Variants in KIAA1328 observed in about 807,000 individuals in gnomAD.
The protein encoded by KIAA1328 is protein hinderin.
A neutral mutation model predicts 68.1 loss-of-function variants in KIAA1328; 52 were observed. The ratio of observed to expected loss-of-function variants is 0.76; its 90% confidence interval spans 0.61 to 0.96. The LOEUF (loss-of-function observed/expected upper bound fraction) is 0.96, where lower values mean the gene tolerates loss of function less well. KIAA1328 is among the 40% of genes least tolerant of loss of function. The pLI is 0.00. For synonymous variants in KIAA1328, 232 were observed against 239.4 expected (o/e 0.97, Z 0.28); for missense variants, 641 against 677.6 (o/e 0.95, Z 0.60).
chr18:37,060,746 T>A lies in KIAA1328; in HGVS notation c.577-6144T>A, dbSNP rs77721045. 3.5e-3 allele frequency among the ~76,000 whole-genome samples: 533 copies of A among 152,314 alleles called. 2 individuals are homozygous for A. The highest frequency in any genetic ancestry group is 5.8e-3 in the Non-Finnish European group (396 of 68,026). ...AGACTATTCATACATGCTTTATTCA[T>A]AATAACCCCTAACTAGATACAATTT... On this transcript the variant is annotated intron_variant, in intron 6 of 9. Transcript: ENST00000280020.
chr18:37,099,170 A>T (rs868346066), intron 7 of KIAA1328, among the ~76,000 whole-genome samples: 3 of 151,920 alleles, frequency 2.0e-5, no homozygotes, highest in South Asian at 2.1e-4. Context: ...TGATGTTAGG[A>T]TGTCAATTTT....
At chr18:37,161,028 T>C (rs907574352) in intron 8 of KIAA1328, among the ~76,000 whole-genome samples, 1 of 152,184 alleles carries the variant, frequency 6.6e-6, no homozygotes, top group Non-Finnish European at 1.5e-5. Flanking sequence ...TGGAAAAGAA[T>C]GGAGCAAGTC....
chr18:36,829,378 GAGA>G, intron 1 of KIAA1328, 182 bp downstream of exon 1: 1 of 1,377,002 alleles, frequency 7.3e-7, no homozygotes, highest in Non-Finnish European at 9.3e-7. Context: ...AGGTGGCCGA[GAGA>G]CTGGTACTGT....
intron 5 of KIAA1328, among the ~76,000 whole-genome samples, chr18:36,914,226 A>C (rs571754431): frequency 1.3e-5 from 2 of 152,174 alleles, no homozygotes; most frequent in Non-Finnish European, 2.9e-5. Flanking sequence ...AGCTAAATCT[A>C]TCTCTTTTTT....
At position 37,067,281 on chromosome 18, in the gene KIAA1328, T is replaced by G; in HGVS notation, c.968T>G (p.Met323Arg). The G allele has an allele frequency of 1.9e-6, 3 of 1,614,016 alleles. No homozygotes were observed. The highest frequency in any genetic ancestry group is 2.2e-5 in the South Asian group (2 of 91,092). The change falls in exon 7 of 10, where the codon ATG becomes AGG. Residue 323 changes from methionine (M) to arginine (R), a missense_variant. Physicochemically the swap from Met to Arg is moderately conservative, Grantham distance 91. Coordinates refer to ENST00000280020, the MANE Select transcript of KIAA1328 (RefSeq NM_020776.3). ...DRVHDSHPTN[M>R]TPQHPKTHPE... ...GTTCATGACAGCCATCCTACAAACATGACCCCTCAACATCCTAAGACACAT... is the reference window on the plus strand; with the variant it reads ...GTTCATGACAGCCATCCTACAAACAGGACCCCTCAACATCCTAAGACACAT...
chr18:37,051,317 TA>T (rs989814085), intron 6 of KIAA1328, among the ~76,000 whole-genome samples: 10 of 150,732 alleles, frequency 6.6e-5, no homozygotes, highest in Non-Finnish European at 1.0e-4. Context: ...GCTAGATTAA[TA>T]AGGAAAAAAA....
chr18:37,212,295 C>T (rs144876074), intron 9 of KIAA1328, among the ~76,000 whole-genome samples: 12 of 152,202 alleles, frequency 7.9e-5, no homozygotes, highest in Non-Finnish European at 1.3e-4. Context: ...CATTCTGTGA[C>T]AATAAAAGCT....
chr18:37,054,175 A>C (rs1018425457), intron 6 of KIAA1328, among the ~76,000 whole-genome samples: 1 of 152,134 alleles, frequency 6.6e-6, no homozygotes, highest in Non-Finnish European at 1.5e-5. Flanking sequence ...TATAGGTTGG[A>C]ATGCAGAGGA....
intron 4 of KIAA1328, among the ~76,000 whole-genome samples, chr18:36,865,125 T>G (rs2047705042): frequency 6.6e-6 from 1 of 152,052 alleles, no homozygotes; most frequent in South Asian, 2.1e-4. Context: ...TTATGTCTTA[T>G]AGTAGGAACT....
In KIAA1328 at chr18:37,159,487, C is replaced by T. The variant is rs575902830; in HGVS notation, c.1233-713C>T. Among the ~76,000 whole-genome samples, 9 of 152,016 alleles carry T rather than the reference C, an allele frequency of 5.9e-5. No individual in the cohort carries two copies. In the East Asian group the frequency reaches 1.7e-3, roughly 29 times the overall value. On this transcript the variant is annotated intron_variant, in intron 7 of 9. Coordinates refer to ENST00000280020, the MANE Select transcript of KIAA1328 (RefSeq NM_020776.3). ...CAAAGTGTCATGAGTTTGTTGTGAA[C>T]AAACACGAAGAGGGAAGAGTGGAAT...
chr18:36,912,828 C>G (rs1272336422), intron 5 of KIAA1328, among the ~76,000 whole-genome samples: 2 of 152,204 alleles, frequency 1.3e-5, no homozygotes, highest in Admixed American at 6.5e-5. Flanking sequence ...CAGTTCCTAT[C>G]TATCTGTGAA....
chr18:36,912,010 C>T (rs978458947), intron 5 of KIAA1328, among the ~76,000 whole-genome samples: 1 of 152,022 alleles, frequency 6.6e-6, no homozygotes, highest in Non-Finnish European at 1.5e-5. Flanking sequence ...CTCCATAGTT[C>T]TATACATTTT....
intron 7 of KIAA1328, among the ~76,000 whole-genome samples, chr18:37,070,797 C>T (rs1047625638): frequency 5.3e-5 from 8 of 151,796 alleles, no homozygotes; most frequent in Non-Finnish European, 1.0e-4. Context: ...AGGCTGGTCT[C>T]GAACTGCTAA....
intron 6 of KIAA1328, among the ~76,000 whole-genome samples, chr18:37,060,006 T>C (rs555557278): frequency 2.0e-5 from 2 of 97,764 alleles, no homozygotes; most frequent in South Asian, 3.0e-4. Flanking sequence ...TGGGGCCTGT[T>C]GGGGGATGGG....
intron 7 of KIAA1328, among the ~76,000 whole-genome samples, chr18:37,147,724 A>C (rs2058934186): frequency 6.6e-6 from 1 of 152,190 alleles, no homozygotes; most frequent in Admixed American, 6.5e-5. Flanking sequence ...TCTTAGCGGA[A>C]GTCTAGGACA....
rs548067457 is a variant in KIAA1328, at chr18:37,153,116, C to G, written c.1233-7084C>G. Among the ~76,000 whole-genome samples the G allele has an allele frequency of 1.4e-4, 21 of 152,342 alleles. No homozygotes were observed. In the South Asian group the frequency reaches 4.3e-3, roughly 32 times the overall value. On this transcript the variant is annotated intron_variant, in intron 7 of 9. Coordinates refer to ENST00000280020, the MANE Select transcript of KIAA1328 (RefSeq NM_020776.3). ...CTTCATGCACTGTGAAAATGGCACACTTGGTCCGACCAATCTTTTGGGCCT... is the reference window on the plus strand; with the variant it reads ...CTTCATGCACTGTGAAAATGGCACAGTTGGTCCGACCAATCTTTTGGGCCT...
intron 9 of KIAA1328, among the ~76,000 whole-genome samples, chr18:37,203,306 A>G (rs1316383088): frequency 6.6e-6 from 1 of 152,026 alleles, no homozygotes; most frequent in Admixed American, 6.5e-5. Flanking sequence ...CATTTTATAA[A>G]CTTTTATAGT....
chr18:36,847,621 G>A (rs2047072195), intron 4 of KIAA1328, among the ~76,000 whole-genome samples: 1 of 151,194 alleles, frequency 6.6e-6, no homozygotes. Context: ...TTAATATTGA[G>A]GTATTAGAGT....
intron 6 of KIAA1328, among the ~76,000 whole-genome samples, chr18:36,974,066 T>C (rs1039919415): frequency 6.6e-5 from 10 of 152,192 alleles, no homozygotes; most frequent in Non-Finnish European, 1.5e-4. Flanking sequence ...CTGCAAAATT[T>C]AGGTTTATGG....
Sources: allele counts gnomAD v4.1 joint callset (sites outside exome capture counted in the v4.1 genomes callset), GRCh38; gene constraint gnomAD v4.1.1; transcripts MANE v1.5; gene names NCBI Gene and HGNC (gene_info 2026-07-23, HGNC 2026-07-21).